Variants in WIPF1 observed in about 807,000 individuals in gnomAD.
The protein encoded by WIPF1 is WAS/WASL interacting protein family member 1.
In WIPF1, 13 loss-of-function variants were observed where a neutral mutation model predicts 35.4. The observed-to-expected ratio is 0.37, with a 90% CI of 0.24 to 0.58. The LOEUF is 0.58. WIPF1 is among the 20% of genes least tolerant of loss of function. WIPF1 has a pLI of 0.74. For missense variants in WIPF1, 591 were observed against 667.0 expected, an observed-to-expected ratio of 0.89 and a Z score of 1.25; for synonymous variants, 267 against 266.3, an observed-to-expected ratio of 1.00 and a Z score of -0.02.
intron 1 of WIPF1, among the ~76,000 whole-genome samples, chr2:174,618,981 GA>G (rs1686596967): frequency 6.6e-6 from 1 of 152,060 alleles, no homozygotes; most frequent in Non-Finnish European, 1.5e-5. Context: ...GAGTTTTTGA[GA>G]AAGGGTCTCA....
In WIPF1 at chr2:174,562,072, T is replaced by C; in HGVS notation, c.*475A>G. 1.9e-6 allele frequency: 3 copies of C among 1,550,626 alleles called. No individual in the cohort carries two copies. Among genetic ancestry groups the C allele is most frequent in the Non-Finnish European group, 2.6e-6 (3 of 1,146,994 alleles). On this transcript the variant is annotated 3_prime_UTR_variant, in exon 8 of 8. Coordinates refer to ENST00000679041, the MANE Select transcript of WIPF1 (RefSeq NM_001375834.1). ...AGCTCGGACTGCCAAAGATTGGACA[T>C]CCTGTGACTGCAAGTTTCCAGTGAG... is the stretch of plus-strand genomic sequence containing the variant.
chr2:174,590,569 G>C lies in WIPF1; in HGVS notation c.-38-4958C>G, dbSNP rs1193142864. 6.6e-6 allele frequency among the ~76,000 whole-genome samples: 1 copy of C among 152,158 alleles called. No homozygotes were observed. The highest frequency in any genetic ancestry group is 2.4e-5 in the African/African-American group (1 of 41,422). ...GGAAAGGCAGCTGATTCGGGTGCAGGAGAGACGCAAGAAGGGAAGGGACTC... is the reference window on the plus strand; with the variant it reads ...GGAAAGGCAGCTGATTCGGGTGCAGCAGAGACGCAAGAAGGGAAGGGACTC... On this transcript the variant is annotated intron_variant, in intron 1 of 7. Coordinates refer to ENST00000679041, the MANE Select transcript of WIPF1 (RefSeq NM_001375834.1). This position sits in a 1 kb window ranked among gnomAD's most constrained non-coding sequence, Gnocchi z 4.6.
At chr2:174,615,373 A>G (rs1266758577) in intron 1 of WIPF1, among the ~76,000 whole-genome samples, 3 of 152,220 alleles carry the variant, frequency 2.0e-5, no homozygotes, top group Non-Finnish European at 4.4e-5. Flanking sequence ...GAACATAACA[A>G]TCACTATAAA....
intron 1 of WIPF1, among the ~76,000 whole-genome samples, chr2:174,642,236 G>C (rs1687311002): frequency 6.6e-6 from 1 of 151,824 alleles, no homozygotes. Context: ...AGCTCTCCTA[G>C]GGACCCTGCA....
intron 1 of WIPF1, among the ~76,000 whole-genome samples, chr2:174,618,813 G>A (rs1686591039): frequency 6.6e-6 from 1 of 152,132 alleles, no homozygotes; most frequent in Non-Finnish European, 1.5e-5. Context: ...TGAGTCTCCT[G>A]TCTCCTTTAT....
chr2:174,582,010 G>T (rs1314654572), intron 2 of WIPF1, among the ~76,000 whole-genome samples: 1 of 152,168 alleles, frequency 6.6e-6, no homozygotes, highest in East Asian at 1.9e-4. Context: ...TTTACACATA[G>T]TGAAATCACC....
chr2:174,631,788 A>C (rs1437798072), intron 1 of WIPF1, among the ~76,000 whole-genome samples: 2 of 152,200 alleles, frequency 1.3e-5, no homozygotes, highest in Admixed American at 6.5e-5. Context: ...CAGTTGTAAA[A>C]GTTGCACTTA....
At chr2:174,587,065 G>A (rs1489082552) in intron 1 of WIPF1, among the ~76,000 whole-genome samples, 5 of 152,040 alleles carry the variant, frequency 3.3e-5, no homozygotes, top group African/African-American at 1.2e-4. Flanking sequence ...GGAATGCAGT[G>A]GCATAATCAT....
intron 1 of WIPF1, among the ~76,000 whole-genome samples, chr2:174,654,751 C>T (rs765132879): frequency 6.6e-5 from 10 of 152,034 alleles, no homozygotes; most frequent in Non-Finnish European, 1.0e-4. Flanking sequence ...CTCACCTTTG[C>T]GCTTCTCAAC....
intron 1 of WIPF1, among the ~76,000 whole-genome samples, chr2:174,663,077 T>C (rs1453104046): frequency 6.6e-6 from 1 of 152,120 alleles, no homozygotes; most frequent in African/African-American, 2.4e-5. Flanking sequence ...TTCAATAATA[T>C]CCTTTCCCAA....
chr2:174,627,428 TCTTTC>T (rs1686876543), intron 1 of WIPF1, among the ~76,000 whole-genome samples: 1 of 145,420 alleles, frequency 6.9e-6, no homozygotes, highest in South Asian at 2.1e-4. Flanking sequence ...TTTCCTTCTT[TCTTTC>T]CTTTCTCTTT....
At position 174,610,007 on chromosome 2, in the gene WIPF1, C is replaced by T. The variant is rs183527610; in HGVS notation, c.-38-24396G>A. 3.9e-5 allele frequency among the ~76,000 whole-genome samples: 6 copies of T among 152,302 alleles called. No individual in the cohort carries two copies. In the East Asian group the frequency reaches 5.8e-4, roughly 15 times the overall value. On this transcript the variant is annotated intron_variant, in intron 1 of 8. Transcript: ENST00000272746. ...TGGCCAGAACAGAATTTGTTCTACT[C>T]GAATGACCCCAGATTCCCTCCAAGA... is the stretch of plus-strand genomic sequence containing the variant.
Position 174,571,706 on chromosome 2 carries a change from G to T in WIPF1, c.1099C>A (p.Pro367Thr). 1 of 1,614,182 alleles carries T rather than the reference G, an allele frequency of 6.2e-7. No homozygotes were observed. ...CGGCCTGGCGGGTCCCTCACTGGAGGTGGGGGTCTCTCACTGGGCGGGGGA... is the reference window on the plus strand; with the variant it reads ...CGGCCTGGCGGGTCCCTCACTGGAGTTGGGGGTCTCTCACTGGGCGGGGGA... ...LPPPPSERPPPPVRDPPGRSG... is the reference protein window; with the variant it reads ...LPPPPSERPPTPVRDPPGRSG... Residue 367 changes from proline (P) to threonine (T), a missense_variant, in exon 5 of 8, where the codon CCT becomes ACT. Coordinates refer to ENST00000679041, the MANE Select transcript of WIPF1 (RefSeq NM_001375834.1). The surrounding 1 kb of genome is among the most constrained non-coding windows in gnomAD (Gnocchi z 4.6).
At position 174,592,236 on chromosome 2, in the gene WIPF1, A is replaced by G. The variant is rs535437701; in HGVS notation, c.-39+5365T>C. Among the ~76,000 whole-genome samples, 18 of 152,308 alleles carry G rather than the reference A, an allele frequency of 1.2e-4. No individual in the cohort carries two copies. The South Asian group carries it at 3.3e-3, about 28-fold the overall frequency. On this transcript the variant is annotated intron_variant, in intron 1 of 7. Coordinates refer to ENST00000679041, the MANE Select transcript of WIPF1 (RefSeq NM_001375834.1). Reference sequence around the variant, plus strand: ...GACATGAGGTGGGGAGTGATTCCTAATAGTCCCCAGTGAACACAGTTGACA... The same window carrying G: ...GACATGAGGTGGGGAGTGATTCCTAGTAGTCCCCAGTGAACACAGTTGACA...
At chr2:174,654,027 G>T (rs1687594300) in intron 1 of WIPF1, among the ~76,000 whole-genome samples, 1 of 152,028 alleles carries the variant, frequency 6.6e-6, no homozygotes, top group Non-Finnish European at 1.5e-5. Context: ...TTTTTAAAAA[G>T]CCCCCTTTAA....
rs544531582 is a variant in WIPF1, at chr2:174,643,413, TTG to T, written c.-39+39359_-39+39360del. ...TTTTTAAATTTTATTTATATGTATT[TTG>T]TGTGTGTGTGTGTGTGAGACAGAGT... is the stretch of plus-strand genomic sequence containing the variant. On this transcript the variant is annotated intron_variant, in intron 1 of 8. Transcript: ENST00000272746. 6.1e-5 allele frequency among the ~76,000 whole-genome samples: 9 copies of T among 148,054 alleles called. 1 individual carries two copies. The highest frequency in any genetic ancestry group is 1.6e-4 in the African/African-American group (6 of 38,092).
chr2:174,601,079 GC>G (rs1685990670), upstream of WIPF1, among the ~76,000 whole-genome samples: 1 of 150,482 alleles, frequency 6.6e-6, no homozygotes, highest in African/African-American at 2.5e-5. Flanking sequence ...GCACCACCAC[GC>G]CTGGCTAATT....
intron 1 of WIPF1, among the ~76,000 whole-genome samples, chr2:174,671,512 C>A (rs1688018057): frequency 6.6e-6 from 1 of 152,164 alleles, no homozygotes; most frequent in Non-Finnish European, 1.5e-5. Context: ...GGGAGATAAC[C>A]ATTAGGTCTG....
intron 1 of WIPF1, among the ~76,000 whole-genome samples, chr2:174,675,499 G>A (rs993184787): frequency 6.6e-6 from 1 of 152,054 alleles, no homozygotes; most frequent in Non-Finnish European, 1.5e-5. Flanking sequence ...AAGGACTACA[G>A]GCATATGCCA....
Sources: allele counts gnomAD v4.1 joint callset (sites outside exome capture counted in the v4.1 genomes callset), GRCh38; gene constraint gnomAD v4.1.1; non-coding constraint Gnocchi (gnomAD v3.1); transcripts MANE v1.5; gene names NCBI Gene and HGNC (gene_info 2026-07-23, HGNC 2026-07-21).